FCHO1: variants seen among roughly 807,000 people sequenced by gnomAD.
The protein encoded by FCHO1 is F-BAR domain only protein 1.
Under a neutral mutation model 114.4 loss-of-function variants are expected in FCHO1, and 45 were observed. The ratio of observed to expected loss-of-function variants is 0.39; its 90% CI spans 0.31 to 0.50. The LOEUF (loss-of-function observed/expected upper bound fraction) is 0.50, where lower values mean the gene tolerates loss of function less well. Ranked by LOEUF, FCHO1 falls within the 20% of genes least tolerant of loss-of-function variation. FCHO1 has a pLI of 0.77. For missense variants in FCHO1, 1,042 were observed against 1,209.6 expected, an observed-to-expected ratio of 0.86 and a Z score of 2.06; for synonymous variants, 480 against 488.9, an observed-to-expected ratio of 0.98 and a Z score of 0.24.
At chr19:17,770,372 T>G in intron 7 of FCHO1, 53 bp from the exon 8 acceptor site, 1 of 1,550,526 alleles carries the variant, frequency 6.4e-7, no homozygotes. Context: ...GTGGAGTGTT[T>G]GGGAGGTCAG....
At chr19:17,763,484 A>C (rs370754434) in intron 5 of FCHO1, among the ~76,000 whole-genome samples, 41 of 151,394 alleles carry the variant, frequency 2.7e-4, no homozygotes, top group East Asian at 1.9e-3. Context: ...GGCGGGTCTC[A>C]AACTCCTGAC....
chr19:17,747,906 G>C (rs2080917668), upstream of FCHO1: 1 of 152,394 alleles, frequency 6.6e-6, no homozygotes, highest in Non-Finnish European at 1.5e-5. Flanking sequence ...GCTGCGGAGG[G>C]CAAAGGCGCG....
At chr19:17,786,505 C>T (rs2147521355) in intron 26 of FCHO1, 69 bp from the exon 27 acceptor site, 2 of 1,537,148 alleles carry the variant, frequency 1.3e-6, no homozygotes, top group Non-Finnish European at 1.8e-6. Context: ...CAGGAGGCAG[C>T]TGAGGCAGGA....
chr19:17,786,431 C>T (rs2093904732), intron 26 of FCHO1, 143 bp from the exon 27 acceptor site: 7 of 745,814 alleles, frequency 9.4e-6, no homozygotes, highest in Non-Finnish European at 1.6e-5. Context: ...CATATCTCAC[C>T]CTCATTTCAC....
Position 17,775,987 on chromosome 19 carries a change from G to A in FCHO1, c.1008G>A (p.Thr336=), listed in dbSNP as rs371867053. 7.5e-6 allele frequency: 12 copies of A among 1,606,800 alleles called. No individual in the cohort carries two copies. Among genetic ancestry groups the A allele is most frequent in the Middle Eastern group, 1.6e-4 (1 of 6,078 alleles). Residue 336 remains threonine (T), a synonymous_variant, in exon 16 of 29, where the codon ACG becomes ACA. Coordinates refer to ENST00000596536, the MANE Select transcript of FCHO1 (RefSeq NM_015122.3). The surrounding 1 kb of genome is among the most constrained non-coding windows in gnomAD (Gnocchi z 5.1). ...TGGACCTTGACTGCAGCCCACGCAC[G>A]GCCGAGCCCTCCCGTTTCTCGTCCA... is the stretch of plus-strand genomic sequence containing the variant. ...TVRPDVTQNS[T]AEPSRFSSSD...
Position 17,775,208 on chromosome 19 carries a change from G to A in FCHO1, c.945+128G>A. The A allele has an allele frequency of 9.0e-7, 1 of 1,115,986 alleles. No homozygotes were observed. The highest frequency in any genetic ancestry group is 1.3e-6 in the Non-Finnish European group (1 of 771,498). The allele number at this position is 1,115,986 out of a possible 1,614,324, so 69.1% of individuals were successfully genotyped here. On this transcript the variant is annotated intron_variant, in intron 14 of 28. Transcript: ENST00000596536. The surrounding 1 kb of genome is among the most constrained non-coding windows in gnomAD (Gnocchi z 5.1). The stretch of plus-strand genomic sequence containing the variant: ...GATTGAGGGGCGGGCTGGAGCCTGG[G>A]GGCTGGGTTCATATCCCACCTCAGC...
intron 27 of FCHO1, among the ~76,000 whole-genome samples, chr19:17,787,263 G>C (rs1456920524): frequency 7.0e-6 from 1 of 142,922 alleles, no homozygotes; most frequent in Non-Finnish European, 1.5e-5. Flanking sequence ...AGCTGGAGGA[G>C]GGCCAAGGAC....
chr19:17,756,757 G>C (rs1310485675), intron 4 of FCHO1, among the ~76,000 whole-genome samples: 3 of 152,166 alleles, frequency 2.0e-5, no homozygotes, highest in Non-Finnish European at 2.9e-5. Context: ...GTTCTTTGCT[G>C]GGTGGTGCTG....
intron 27 of FCHO1, among the ~76,000 whole-genome samples, chr19:17,787,189 AC>A (rs1156281654): frequency 7.6e-6 from 1 of 132,110 alleles, no homozygotes. Context: ...GTGCCACTGC[AC>A]TCCAGCCAGG....
chr19:17,780,244 A>C (rs2093258757), intron 20 of FCHO1, among the ~76,000 whole-genome samples: 1 of 144,906 alleles, frequency 6.9e-6, no homozygotes, highest in African/African-American at 2.6e-5. Flanking sequence ...GGCTCACTGC[A>C]ACCTCTGCCT....
intron 7 of FCHO1, among the ~76,000 whole-genome samples, chr19:17,769,619 ACACACACACACAC>A (rs1568341653): frequency 1.5e-4 from 21 of 141,352 alleles, no homozygotes; most frequent in Middle Eastern, 3.4e-3. Flanking sequence ...ACACACACAC[ACACACACACACAC>A]AAAACGGTGA....
upstream of FCHO1, among the ~76,000 whole-genome samples, chr19:17,749,530 C>T (rs2081404328): frequency 6.6e-6 from 1 of 152,068 alleles, no homozygotes; most frequent in Non-Finnish European, 1.5e-5. Context: ...AAGTTGGGTA[C>T]ACAGTAGGCA....
chr19:17,755,075 C>T, intron 3 of FCHO1, 43 bp from the exon 4 acceptor site: 1 of 1,284,950 alleles, frequency 7.8e-7, no homozygotes, highest in Non-Finnish European at 1.1e-6. Context: ...ACCAAGCCCA[C>T]ACTGGCAATG....
intron 4 of FCHO1, chr19:17,755,478 A>G (rs993554780): frequency 2.3e-5 from 7 of 304,456 alleles, no homozygotes; most frequent in African/African-American, 1.5e-4. Flanking sequence ...GTGCAGAGTC[A>G]GTGCTCAAAC....
At chr19:17,771,897 C>T (rs1231414343) in intron 9 of FCHO1, among the ~76,000 whole-genome samples, 7 of 151,956 alleles carry the variant, frequency 4.6e-5, no homozygotes, top group Admixed American at 3.9e-4. Flanking sequence ...ACTGCAACCT[C>T]CGCCTCCTGG....
chr19:17,779,004 C>T (rs1376773483), intron 20 of FCHO1, 120 bp downstream of exon 20: 1 of 1,095,372 alleles, frequency 9.1e-7, no homozygotes, highest in Non-Finnish European at 1.3e-6. Flanking sequence ...GCAGGCAGAA[C>T]CTCCCACCGT....
At chr19:17,761,999 T>TCA (rs77049610) in intron 4 of FCHO1, among the ~76,000 whole-genome samples, 28 of 151,160 alleles carry the variant, frequency 1.9e-4, no homozygotes, top group South Asian at 6.3e-4. Context: ...ATTCATTCAT[T>TCA]TATTTTGAGA....
At chr19:17,777,528 T>G (rs1178219195) in intron 18 of FCHO1, among the ~76,000 whole-genome samples, 1 of 78,990 alleles carries the variant, frequency 1.3e-5, no homozygotes, top group Non-Finnish European at 2.2e-5. Context: ...AAGAGGAAAC[T>G]CCGTCTCAAA....
Position 17,770,835 on chromosome 19 carries a change from C to A in FCHO1, c.533C>A (p.Ser178Ter). Reference sequence around the variant, plus strand: ...AAGGCGGCAGAGAGCCTGCGGCGCTCAGTGGAAAAATACAACTCAGCCCGA... The same window carrying A: ...AAGGCGGCAGAGAGCCTGCGGCGCTAAGTGGAAAAATACAACTCAGCCCGA... ...TKKAAESLRRSVEKYNSARAD... is the reference protein window; with the variant it reads ...TKKAAESLRR Residue 178 changes from serine to a stop codon, truncating the protein, a stop_gained, in exon 9 of 29, where the codon TCA becomes TAA. Coordinates refer to ENST00000596536, the MANE Select transcript of FCHO1 (RefSeq NM_015122.3). LOFTEE classifies it high-confidence loss of function. The A allele has an allele frequency of 6.2e-7, 1 of 1,614,146 alleles. No individual in the cohort carries two copies. Among genetic ancestry groups the A allele is most frequent in the South Asian group, 1.1e-5 (1 of 91,078 alleles).
Sources: allele counts gnomAD v4.1 joint callset (sites outside exome capture counted in the v4.1 genomes callset), GRCh38; gene constraint gnomAD v4.1.1; non-coding constraint Gnocchi (gnomAD v3.1); transcripts MANE v1.5; gene names NCBI Gene and HGNC (gene_info 2026-07-23, HGNC 2026-07-21).